EPHA2: variants seen among roughly 807,000 people sequenced by gnomAD.
The protein encoded by EPHA2 is ephrin type-A receptor 2.
Under a neutral mutation model 104.9 loss-of-function variants are expected in EPHA2, and 54 were observed. That is an observed-to-expected ratio of 0.51 (90% CI 0.41 to 0.65). EPHA2 has a LOEUF of 0.65. Ranked by LOEUF, EPHA2 falls within the 30% of genes least tolerant of loss-of-function variation. EPHA2 has a pLI of 0.00. For missense variants in EPHA2, 1,117 were observed against 1,369.5 expected (o/e 0.82, Z 2.91); for synonymous variants, 560 against 559.1 (o/e 1.00, Z -0.02).
In EPHA2 at chr1:16,131,683, C is replaced by A; in HGVS notation, c.2475+38G>T. 1 of 1,613,354 alleles carries A rather than the reference C, an allele frequency of 6.2e-7. No homozygotes were observed. Among genetic ancestry groups the A allele is most frequent in the South Asian group, 1.1e-5 (1 of 91,054 alleles). On this transcript the variant is annotated intron_variant, in intron 14 of 16. Transcript: ENST00000358432. This position sits in a 1 kb window ranked among gnomAD's most constrained non-coding sequence, Gnocchi z 5.2. ...TTGAGATGAGTAAAGGGCTTGAGTT[C>A]AGGTCCGGACAGGCCTGGGGAGGGC...
intron 15 of EPHA2, among the ~76,000 whole-genome samples, chr1:16,129,920 C>T (rs998782550): frequency 1.3e-5 from 2 of 152,218 alleles, no homozygotes; most frequent in Non-Finnish European, 2.9e-5. Flanking sequence ...GATATTCAAT[C>T]GCCCTGTGTC....
At position 16,148,510 on chromosome 1, in the gene EPHA2, C is replaced by T. The variant is rs2124261061; in HGVS notation, c.691G>A (p.Val231Met). Residue 231 changes from valine to methionine, a missense_variant, in exon 3 of 17, where the codon GTG becomes ATG. Val to Met is a conservative substitution (Grantham distance 21). Around this residue, in one of 3 missense-constraint regions of EPHA2, gnomAD observed 664 missense variants for 784.8 expected, o/e 0.85. Transcript: ENST00000358432. The surrounding 1 kb of genome is among the most constrained non-coding windows in gnomAD (Gnocchi z 4.9). The stretch of plus-strand genomic sequence containing the variant: ...CCCGGTGGCACCACGGCATGGTCCA[C>T]ACAGGTGCCGGCCACAGTGGCCAGG... ...PSLATVAGTCVDHAVVPPGGE... is the reference protein window; with the variant it reads ...PSLATVAGTCMDHAVVPPGGE... 1 of 1,613,796 alleles carries T rather than the reference C, an allele frequency of 6.2e-7. No individual in the cohort carries two copies.
rs1478331121 is a variant in EPHA2, at chr1:16,138,149, C to T, written c.1016G>A (p.Gly339Asp). The stretch of plus-strand genomic sequence containing the variant: ...GCGCAGCTCCACCTTGGCACCCATG[C>T]CCACGGCTGTGAGGTAGTGTGGGGC... Reference protein sequence around the residue: ...PSAPHYLTAVGMGAKVELRWT... With the variant: ...PSAPHYLTAVDMGAKVELRWT... Residue 339 changes from glycine (G) to aspartate (D), a missense_variant, in exon 5 of 17, where the codon GGC (glycine) becomes GAC (aspartate). Around this residue, in one of 3 missense-constraint regions of EPHA2, gnomAD observed 664 missense variants for 784.8 expected, o/e 0.85. Transcript: ENST00000358432. 1 of 1,608,846 alleles carries T rather than the reference C, an allele frequency of 6.2e-7. No individual in the cohort carries two copies. Among genetic ancestry groups the T allele is most frequent in the Non-Finnish European group, 8.5e-7 (1 of 1,179,862 alleles).
intron 3 of EPHA2, among the ~76,000 whole-genome samples, chr1:16,140,066 G>A (rs1198088695): frequency 6.6e-6 from 1 of 152,238 alleles, no homozygotes; most frequent in Non-Finnish European, 1.5e-5. Flanking sequence ...AGTCCCCTGT[G>A]TGAGCAGAGG....
Position 16,125,399 on chromosome 1 carries a change from G to C in EPHA2, c.2826-79C>G, listed in dbSNP as rs2024446797. The C allele has an allele frequency of 1.1e-6, 1 of 940,866 alleles. No individual in the cohort carries two copies. The allele number at this position is 940,866 out of a possible 1,614,324, so 58.3% of individuals were successfully genotyped here. The stretch of plus-strand genomic sequence containing the variant: ...CCGGGCTGGGTGGGGACAGGACTCG[G>C]TGGGCGGCTGGGGAGGGGAGTGGAG... On this transcript the variant is annotated intron_variant, in intron 16 of 16. Transcript: ENST00000358432. This position sits in a 1 kb window ranked among gnomAD's most constrained non-coding sequence, Gnocchi z 4.9.
chr1:16,137,948 A>G lies in EPHA2; in HGVS notation c.1217T>C (p.Met406Thr), dbSNP rs766593100. Residue 406 changes from methionine to threonine, a missense_variant, in exon 5 of 17, where the codon ATG (methionine) becomes ACG (threonine). Coordinates refer to ENST00000358432, the MANE Select transcript of EPHA2 (RefSeq NM_004431.5). ...SVTVSDLEPH[M>T]NYTFTVEARN... ...GGCCTCCACGGTGAAGGTGTAGTTC[A>G]TGTGGGGCTCCAGGTCGCTCACTGT... is the stretch of plus-strand genomic sequence containing the variant. 1 of 1,614,160 alleles carries G rather than the reference A, an allele frequency of 6.2e-7. No homozygotes were observed. Among genetic ancestry groups the G allele is most frequent in the Non-Finnish European group, 8.5e-7 (1 of 1,180,042 alleles).
rs750586785 is a variant in EPHA2 at position 16,132,451 on chromosome 1, T to G, written c.2054-12A>C. 2.2e-5 allele frequency: 35 copies of G among 1,612,608 alleles called. No homozygotes were observed. The highest frequency in any genetic ancestry group is 2.7e-5 in the Non-Finnish European group (32 of 1,179,838). On this transcript the variant is annotated splice_polypyrimidine_tract_variant and intron_variant, in intron 11 of 16. Transcript: ENST00000358432. ...CATCATGGGCTTGTCTGTAGGGGGG[T>G]GGGCACAGGTGAGAGGTAAGTGGGC...
rs184080586 is a variant in EPHA2, at chr1:16,149,759, G to A, written c.154-712C>T. ...CATTTACCAAAGTGCACTTGGCACG[G>A]CACATGGGGACACCCACATCTGGGC... On this transcript the variant is annotated intron_variant, in intron 2 of 16. Coordinates refer to ENST00000358432, the MANE Select transcript of EPHA2 (RefSeq NM_004431.5). Among the ~76,000 whole-genome samples the A allele has an allele frequency of 2.0e-5, 3 of 152,302 alleles. No homozygotes were observed. The East Asian group carries it at 5.8e-4, about 29-fold the overall frequency.
At chr1:16,151,183 G>A (rs2025027468) in intron 1 of EPHA2, among the ~76,000 whole-genome samples, 1 of 152,160 alleles carries the variant, frequency 6.6e-6, no homozygotes, top group Non-Finnish European at 1.5e-5. Flanking sequence ...CAGCAGGCTG[G>A]GGTCAGGACT....
At chr1:16,139,636 T>G (rs1476964843) in intron 3 of EPHA2, among the ~76,000 whole-genome samples, 1 of 152,056 alleles carries the variant, frequency 6.6e-6, no homozygotes, top group Non-Finnish European at 1.5e-5. Flanking sequence ...AGGGGACATT[T>G]TGGCTGGGGT....
chr1:16,127,000 T>C (rs2024482695), intron 16 of EPHA2, among the ~76,000 whole-genome samples: 1 of 152,188 alleles, frequency 6.6e-6, no homozygotes, highest in South Asian at 2.1e-4. Flanking sequence ...GGGCCGTTGC[T>C]GGGCCACCTC....
chr1:16,133,372 T>C lies in EPHA2; in HGVS notation c.1865-4A>G. On this transcript the variant is annotated splice_polypyrimidine_tract_variant and splice_region_variant and intron_variant, in intron 10 of 16. Transcript: ENST00000358432. Reference sequence around the variant, plus strand: ...TTGTACACCTCCCCAAACTCTCCTGTGGGCAGACAGGGTCAGGGGAGTGCC... The same window carrying C: ...TTGTACACCTCCCCAAACTCTCCTGCGGGCAGACAGGGTCAGGGGAGTGCC... 1 of 1,613,868 alleles carries C rather than the reference T, an allele frequency of 6.2e-7. No individual in the cohort carries two copies. The highest frequency in any genetic ancestry group is 8.5e-7 in the Non-Finnish European group (1 of 1,179,956).
intron 3 of EPHA2, among the ~76,000 whole-genome samples, chr1:16,143,385 C>T (rs1221167196): frequency 2.0e-5 from 3 of 152,036 alleles, no homozygotes; most frequent in Admixed American, 2.0e-4. Flanking sequence ...TGGAGAAGGT[C>T]CACCAGGATG....
In EPHA2 at chr1:16,135,022, G is replaced by A; in HGVS notation, c.1582+14C>T. On this transcript the variant is annotated intron_variant, in intron 7 of 16. Transcript: ENST00000358432. This position sits in a 1 kb window ranked among gnomAD's most constrained non-coding sequence, Gnocchi z 4.3. ...GGCCCTGGCCTGGTCCATGCCCAGG[G>A]TCCCCCAACTCACACAGCGTCTGGA... 6.2e-7 allele frequency: 1 copy of A among 1,611,024 alleles called. No homozygotes were observed. The highest frequency in any genetic ancestry group is 8.5e-7 in the Non-Finnish European group (1 of 1,180,002).
Position 16,129,460 on chromosome 1 carries a change from G to A in EPHA2, c.2799C>T (p.Ile933=), listed in dbSNP as rs374544665. The change falls in exon 16 of 17, where the codon ATC becomes ATT. Residue 933 remains isoleucine (I), a synonymous_variant. Transcript: ENST00000358432. ...CGTTGGTCATCTGCACCACCTTCTC[G>A]ATGGCAGTGTAGCCGGCCGCCATGA... The part of the protein sequence containing the change: ...EHFMAAGYTA[I]EKVVQMTNDD... 1.6e-5 allele frequency: 26 copies of A among 1,613,548 alleles called. No homozygotes were observed. Among genetic ancestry groups the A allele is most frequent in the Non-Finnish European group, 1.9e-5 (23 of 1,180,020 alleles).
At position 16,148,695 on chromosome 1, in the gene EPHA2, G is replaced by A. The variant is rs748819792; in HGVS notation, c.506C>T (p.Ser169Phe). The A allele has an allele frequency of 6.2e-7, 1 of 1,612,350 alleles. No individual in the cohort carries two copies. The highest frequency in any genetic ancestry group is 8.5e-7 in the Non-Finnish European group (1 of 1,180,036). ...GCCTTTGCGGGTGAGCGGCCCCACG[G>A]AGCGCTCCTCCACGTTCAGCTTCAC... Reference protein sequence around the residue: ...RHVKLNVEERSVGPLTRKGFY... With the variant: ...RHVKLNVEERFVGPLTRKGFY... Residue 169 changes from serine (S) to phenylalanine (F), a missense_variant, in exon 3 of 17, where the codon TCC becomes TTC. By Grantham distance (155) the Ser-to-Phe change is radical. Transcript: ENST00000358432. This position sits in a 1 kb window ranked among gnomAD's most constrained non-coding sequence, Gnocchi z 4.9.
intron 5 of EPHA2, among the ~76,000 whole-genome samples, chr1:16,136,297 G>A (rs2024681411): frequency 1.0e-5 from 1 of 99,900 alleles, no homozygotes; most frequent in Non-Finnish European, 2.0e-5. Context: ...ATATTTACGA[G>A]TGCATAAATA....
In EPHA2 at chr1:16,125,039, T is replaced by C; in HGVS notation, c.*176A>G. 1.5e-6 allele frequency: 1 copy of C among 659,746 alleles called. No homozygotes were observed. The highest frequency in any genetic ancestry group is 2.8e-6 in the Non-Finnish European group (1 of 362,428). 40.9% of individuals were successfully genotyped at this position (659,746 alleles called of 1,614,324 possible). A position where few individuals can be genotyped will look rare whatever the true frequency, so the allele number is the denominator to read the frequency against. ...GAAAGAGGGCCCAGCCCAGCATCCCTGGTCATCTCCTCAGTTCAGGCCAGG... is the reference window on the plus strand; with the variant it reads ...GAAAGAGGGCCCAGCCCAGCATCCCCGGTCATCTCCTCAGTTCAGGCCAGG... On this transcript the variant is annotated 3_prime_UTR_variant, in exon 17 of 17. Coordinates refer to ENST00000358432, the MANE Select transcript of EPHA2 (RefSeq NM_004431.5). The surrounding 1 kb of genome is among the most constrained non-coding windows in gnomAD (Gnocchi z 4.9).
intron 3 of EPHA2, among the ~76,000 whole-genome samples, chr1:16,143,051 A>T: frequency 4.5e-5 from 2 of 44,396 alleles, no homozygotes; most frequent in African/African-American, 8.7e-5. Flanking sequence ...AGGGGTGGGC[A>T]GATGGATGGG....
Sources: gnomAD v4.1 joint callset for allele counts (sites outside exome capture counted in the v4.1 genomes callset) on GRCh38, gnomAD v4.1.1 for gene constraint, gnomAD v4.1.1 regional missense constraint, Gnocchi (gnomAD v3.1) non-coding constraint, MANE v1.5 for transcripts, NCBI Gene and HGNC (gene_info 2026-07-23, HGNC 2026-07-21) for gene names.